TENM2: variants seen among roughly 807,000 people sequenced by gnomAD.
TENM2 encodes teneurin transmembrane protein 2.
In TENM2, 52 loss-of-function variants were observed where a neutral mutation model predicts 245.2. The ratio of observed to expected loss-of-function variants is 0.21; its 90% CI spans 0.17 to 0.27. The LOEUF (loss-of-function observed/expected upper bound fraction) is 0.27, where lower values mean the gene tolerates loss of function less well. Ranked by LOEUF, TENM2 falls within the 10% of genes least tolerant of loss-of-function variation. TENM2 has a pLI of 1.00. For synonymous variants in TENM2, 1,363 were observed against 1,438.9 expected (o/e 0.95, Z 1.19); for missense variants, 3,046 against 3,666.8 (o/e 0.83, Z 4.37).
intron 2 of TENM2, among the ~76,000 whole-genome samples, chr5:167,421,813 G>C (rs904969797): frequency 6.6e-6 from 1 of 152,120 alleles, no homozygotes; most frequent in Non-Finnish European, 1.5e-5. Context: ...TTTGTTTTGA[G>C]ATGGAGTCTC....
At chr5:167,255,616 T>A in the TENM2 span, among the ~76,000 whole-genome samples, 153 of 152,314 alleles carry the variant, frequency 1.0e-3, 2 homozygotes, top group Middle Eastern at 0.02. Context: ...AAACGTAGAT[T>A]TCGATTTTTT....
chr5:167,408,453 A>G (rs139740852), intron 2 of TENM2, among the ~76,000 whole-genome samples: 23 of 152,186 alleles, frequency 1.5e-4, no homozygotes, highest in African/African-American at 4.8e-4. Flanking sequence ...TCTTGATAGC[A>G]TTTCTGAGGT....
intron 4 of TENM2, among the ~76,000 whole-genome samples, chr5:167,954,573 G>T (rs1386337747): frequency 6.6e-6 from 1 of 152,106 alleles, no homozygotes; most frequent in African/African-American, 2.4e-5. Flanking sequence ...CCCATCAACT[G>T]GTCATCTATA....
the TENM2 span, among the ~76,000 whole-genome samples, chr5:167,228,633 C>T: frequency 7.0e-6 from 1 of 142,758 alleles, no homozygotes; most frequent in African/African-American, 2.8e-5. Context: ...TGCAATATTT[C>T]CTTAATTTTT....
intron 6 of TENM2, among the ~76,000 whole-genome samples, chr5:168,057,950 G>A (rs1263032496): frequency 6.6e-6 from 1 of 152,138 alleles, no homozygotes; most frequent in African/African-American, 2.4e-5. Context: ...GCATGAGTGA[G>A]CCTGGGTGCG....
chr5:167,729,966 T>C (rs1030998906), intron 2 of TENM2, among the ~76,000 whole-genome samples: 6 of 152,204 alleles, frequency 3.9e-5, no homozygotes, highest in African/African-American at 1.4e-4. Context: ...TATAAAGAGA[T>C]CTATCTCTCT....
chr5:168,252,279 G>A (rs1207171406), intron 27 of TENM2, among the ~76,000 whole-genome samples: 4 of 151,128 alleles, frequency 2.6e-5, no homozygotes, highest in Admixed American at 2.6e-4. Flanking sequence ...TTGGGAGGCT[G>A]AGGCAAAAGG....
chr5:167,862,936 A>G (rs1583217202), intron 2 of TENM2, among the ~76,000 whole-genome samples: 1 of 152,082 alleles, frequency 6.6e-6, no homozygotes, highest in South Asian at 2.1e-4. Context: ...CACTACTACC[A>G]TTTCCAGTCA....
chr5:167,995,344 C>A (rs1783975169), intron 5 of TENM2, among the ~76,000 whole-genome samples: 1 of 152,214 alleles, frequency 6.6e-6, no homozygotes, highest in African/African-American at 2.4e-5. Context: ...AATCTGCAGG[C>A]TGCTAGAAGC....
intron 7 of TENM2, among the ~76,000 whole-genome samples, chr5:168,067,318 A>C (rs1425917203): frequency 2.0e-5 from 3 of 152,100 alleles, no homozygotes; most frequent in African/African-American, 7.2e-5. Flanking sequence ...ATGGGATGGG[A>C]AGTAAAATTA....
intron 2 of TENM2, among the ~76,000 whole-genome samples, chr5:167,582,172 G>A (rs1318942184): frequency 6.6e-6 from 1 of 152,128 alleles, no homozygotes; most frequent in Non-Finnish European, 1.5e-5. Flanking sequence ...ACCAAAGATA[G>A]GATTAGTTTG....
chr5:167,149,416 A>G, the TENM2 span, among the ~76,000 whole-genome samples: 1 of 150,858 alleles, frequency 6.6e-6, no homozygotes, highest in Non-Finnish European at 1.5e-5. Context: ...GTGCCTCTAC[A>G]TAATATTATG....
At chr5:167,915,245 A>G (rs577198431) in intron 3 of TENM2, among the ~76,000 whole-genome samples, 3 of 152,256 alleles carry the variant, frequency 2.0e-5, no homozygotes, top group Admixed American at 1.3e-4. Flanking sequence ...GTAGACCCCA[A>G]ATGACACATG....
intron 2 of TENM2, among the ~76,000 whole-genome samples, chr5:167,665,077 C>G (rs1383009958): frequency 1.3e-5 from 2 of 152,180 alleles, no homozygotes; most frequent in Non-Finnish European, 2.9e-5. Flanking sequence ...GCTCTGAAGT[C>G]AAACAGCCTA....
chr5:167,749,683 C>A (rs1244831624), intron 2 of TENM2, among the ~76,000 whole-genome samples: 2 of 151,670 alleles, frequency 1.3e-5, no homozygotes, highest in Non-Finnish European at 2.9e-5. Flanking sequence ...TTATAATGGG[C>A]TGAGTAGTTT....
intron 2 of TENM2, among the ~76,000 whole-genome samples, chr5:167,380,007 A>AT (rs1356670210): frequency 6.6e-6 from 1 of 151,402 alleles, no homozygotes; most frequent in East Asian, 1.9e-4. Context: ...TTTAGGCTTT[A>AT]TTTTATATAC....
rs113170626 is a variant in TENM2, at chr5:167,547,318, G to A, written c.502+171845G>A. 1.4e-3 allele frequency among the ~76,000 whole-genome samples: 208 copies of A among 152,146 alleles called. 1 individual carries two copies. Among genetic ancestry groups the A allele is most frequent in the African/African-American group, 4.8e-3 (200 of 41,510 alleles). The stretch of plus-strand genomic sequence containing the variant: ...ACACCTGACCTCAGATGATCCACCC[G>A]CCTCAGCACCCCAAAGTGCTGGGAT... On this transcript the variant is annotated intron_variant, in intron 2 of 28. Transcript: ENST00000518659.
intron 3 of TENM2, among the ~76,000 whole-genome samples, chr5:167,923,066 G>A (rs1329560730): frequency 6.6e-6 from 1 of 152,202 alleles, no homozygotes; most frequent in African/African-American, 2.4e-5. Flanking sequence ...GCTCATGTCT[G>A]TAATCCCAGC....
In TENM2 at chr5:167,521,716, C is replaced by T. The variant is rs527544489; in HGVS notation, c.502+146243C>T. 1.1e-3 allele frequency among the ~76,000 whole-genome samples: 170 copies of T among 152,126 alleles called. No homozygotes were observed. In the South Asian group the frequency reaches 0.013, roughly 12 times the overall value. ...GAAAAATATTGCTGTTGTGTTGGAG[C>T]GTGAAATTTATGCAGAATGGAATCC... On this transcript the variant is annotated intron_variant, in intron 2 of 28. Transcript: ENST00000518659.
Sources: allele counts gnomAD v4.1 joint callset (sites outside exome capture counted in the v4.1 genomes callset), GRCh38; gene constraint gnomAD v4.1.1; transcripts MANE v1.5; gene names NCBI Gene and HGNC (gene_info 2026-07-23, HGNC 2026-07-21).